Variants in LYPD6B observed in about 807,000 individuals in gnomAD.
LYPD6B encodes the protein LY6/PLAUR domain containing 6B.
A neutral mutation model predicts 22.8 loss-of-function variants in LYPD6B; 17 were observed. The observed-to-expected ratio is 0.75, with a 90% CI of 0.51 to 1.12. The LOEUF (loss-of-function observed/expected upper bound fraction) is 1.12. Ranked by LOEUF, LYPD6B falls within the 50% of genes most tolerant of loss-of-function variation. The pLI, the probability that LYPD6B is intolerant of heterozygous loss-of-function variation, is 0.00. For synonymous variants in LYPD6B, 106 were observed against 91.6 expected (o/e 1.16, Z -0.90); for missense variants, 221 against 258.3 (o/e 0.86, Z 0.99).
chr2:149,098,338 C>T (rs1372649997), intron 1 of LYPD6B, among the ~76,000 whole-genome samples: 2 of 152,024 alleles, frequency 1.3e-5, no homozygotes, highest in Non-Finnish European at 1.5e-5. Flanking sequence ...TAAAAAATGG[C>T]TTTGGGCCGA....
At chr2:149,095,438 G>A (rs1227921135) in intron 1 of LYPD6B, among the ~76,000 whole-genome samples, 2 of 152,232 alleles carry the variant, frequency 1.3e-5, no homozygotes, top group Admixed American at 6.5e-5. Flanking sequence ...AAATTAGTAA[G>A]AGTGTAGCTG....
chr2:149,087,225 C>T (rs1318088344), intron 1 of LYPD6B, among the ~76,000 whole-genome samples: 1 of 152,116 alleles, frequency 6.6e-6, no homozygotes, highest in Non-Finnish European at 1.5e-5. Flanking sequence ...TCTGGTGTGC[C>T]ACTTTCCCTT....
chr2:149,212,951 A>G (rs1395826889), intron 5 of LYPD6B, 41 bp from the exon 6 acceptor site: 19 of 1,596,852 alleles, frequency 1.2e-5, no homozygotes, highest in Non-Finnish European at 1.6e-5. Flanking sequence ...TATTGAAATT[A>G]CCTTGTTTCT....
intron 3 of LYPD6B, chr2:149,187,521 G>A: frequency 6.7e-7 from 1 of 1,487,326 alleles, no homozygotes; most frequent in Non-Finnish European, 8.9e-7. Context: ...TGGAAAGTAA[G>A]ATTCCCTGCG....
intron 1 of LYPD6B, among the ~76,000 whole-genome samples, chr2:149,120,759 A>G (rs1307705805): frequency 7.8e-6 from 1 of 127,464 alleles, no homozygotes; most frequent in African/African-American, 3.1e-5. Flanking sequence ...TAATATAAAC[A>G]TTTTTTGCTA....
At chr2:149,173,205 G>A (rs548667682) in intron 3 of LYPD6B, among the ~76,000 whole-genome samples, 13 of 151,478 alleles carry the variant, frequency 8.6e-5, no homozygotes, top group African/African-American at 1.9e-4. Context: ...AAGACATGGT[G>A]TTTGTAATTA....
At position 149,137,644 on chromosome 2, in the gene LYPD6B, A is replaced by C. The variant is rs535422766; in HGVS notation, c.5+6691A>C. On this transcript the variant is annotated intron_variant, in intron 2 of 6. Coordinates refer to ENST00000409642, the MANE Select transcript of LYPD6B (RefSeq NM_177964.5). ...TGCATACAAGAGTGAAACAATCATT[A>C]TAGTTCTTTAAATATGCCAGGGCTT... Among the ~76,000 whole-genome samples, 58 of 152,348 alleles carry C rather than the reference A, an allele frequency of 3.8e-4. 1 individual carries two copies. The South Asian group carries it at 6.6e-3, about 17-fold the overall frequency.
intron 1 of LYPD6B, among the ~76,000 whole-genome samples, chr2:149,110,030 A>G (rs969558148): frequency 2.0e-5 from 3 of 152,148 alleles, no homozygotes; most frequent in Non-Finnish European, 4.4e-5. Context: ...TCTTTTAAAA[A>G]GATTCTTTTC....
chr2:149,140,397 C>T (rs1167221165), intron 2 of LYPD6B, among the ~76,000 whole-genome samples: 2 of 152,302 alleles, frequency 1.3e-5, no homozygotes, highest in African/African-American at 4.8e-5. Flanking sequence ...AGGCTTCCTT[C>T]TGTCCCCATG....
At chr2:149,154,760 A>G (rs1168036623) in intron 2 of LYPD6B, among the ~76,000 whole-genome samples, 2 of 152,288 alleles carry the variant, frequency 1.3e-5, no homozygotes, top group South Asian at 2.1e-4. Context: ...GCTTCCCTAC[A>G]GGAAAAACTA....
chr2:149,197,091 A>G lies in LYPD6B; in HGVS notation c.78-8162A>G, dbSNP rs544791190. ...TCTCCTGCAGAACTTCTGTCCACCT[A>G]TATCTTTCTCTCAAGTATAAAGACA... On this transcript the variant is annotated intron_variant, in intron 3 of 6. Coordinates refer to ENST00000409642, the MANE Select transcript of LYPD6B (RefSeq NM_177964.5). Among the ~76,000 whole-genome samples the G allele has an allele frequency of 7.9e-5, 12 of 152,348 alleles. No individual in the cohort carries two copies. The East Asian group carries it at 2.3e-3, about 29-fold the overall frequency.
intron 1 of LYPD6B, among the ~76,000 whole-genome samples, chr2:149,067,796 ATCT>A (rs1387179597): frequency 6.6e-6 from 1 of 152,178 alleles, no homozygotes; most frequent in Non-Finnish European, 1.5e-5. Context: ...AGAATTTATT[ATCT>A]TCTTAGTGCA....
At chr2:149,201,449 G>T (rs1693148516) in intron 3 of LYPD6B, among the ~76,000 whole-genome samples, 1 of 152,196 alleles carries the variant, frequency 6.6e-6, no homozygotes, top group Non-Finnish European at 1.5e-5. Flanking sequence ...ACTCAGCAAA[G>T]TCTCAGCAGA....
intron 3 of LYPD6B, among the ~76,000 whole-genome samples, chr2:149,173,237 T>C (rs1379123524): frequency 1.3e-5 from 2 of 151,928 alleles, no homozygotes; most frequent in Non-Finnish European, 2.9e-5. Flanking sequence ...TATAGACGAA[T>C]TGCTAACTAG....
At chr2:149,168,742 T>C (rs1388925843) in intron 3 of LYPD6B, among the ~76,000 whole-genome samples, 1 of 152,236 alleles carries the variant, frequency 6.6e-6, no homozygotes, top group Non-Finnish European at 1.5e-5. Flanking sequence ...TGAATGTGTT[T>C]GGACAATAAT....
chr2:149,119,172 T>C (rs1480946234), intron 1 of LYPD6B: 1 of 152,194 alleles, frequency 6.6e-6, no homozygotes, highest in Non-Finnish European at 1.5e-5. Flanking sequence ...AGGTAATACA[T>C]TGGAGTTAAT....
At chr2:149,068,627 C>A in intron 1 of LYPD6B, 1 of 494,710 alleles carries the variant, frequency 2.0e-6, no homozygotes, top group Non-Finnish European at 4.1e-6. Context: ...CAAGATTTTC[C>A]TTATTATTAT....
Position 149,058,918 on chromosome 2 carries a change from C to T in LYPD6B, c.-67+20117C>T, listed in dbSNP as rs181701445. ...TACAGGCATGAGCCACAGCGCCCAG[C>T]CAGTCCATTTCACTCTTCTTGGATA... On this transcript the variant is annotated intron_variant, in intron 1 of 6. Coordinates refer to ENST00000409642, the MANE Select transcript of LYPD6B (RefSeq NM_177964.5). 3.3e-5 allele frequency among the ~76,000 whole-genome samples: 5 copies of T among 152,354 alleles called. No individual in the cohort carries two copies. In the East Asian group the frequency reaches 9.6e-4, roughly 29 times the overall value.
At chr2:149,091,383 A>G (rs546833095) in intron 1 of LYPD6B, among the ~76,000 whole-genome samples, 25 of 150,548 alleles carry the variant, frequency 1.7e-4, no homozygotes, top group Admixed American at 1.5e-3. Context: ...GAATACATAT[A>G]TATTTATATA....
Sources: gnomAD v4.1 joint callset for allele counts (sites outside exome capture counted in the v4.1 genomes callset) on GRCh38, gnomAD v4.1.1 for gene constraint, MANE v1.5 for transcripts, NCBI Gene and HGNC (gene_info 2026-07-23, HGNC 2026-07-21) for gene names.